Variants in TNR observed in about 807,000 individuals in gnomAD.
TNR encodes the protein tenascin R.
TNR carries 45 observed loss-of-function variants against 150.4 expected under a neutral mutation model. The observed-to-expected ratio is 0.30, with a 90% CI of 0.24 to 0.38. TNR has a LOEUF of 0.38. TNR is among the 10% of genes least tolerant of loss of function. The probability of loss-of-function intolerance (pLI) is 1.00; values close to 1 mark genes in which losing one functional copy is unlikely to be tolerated. For synonymous variants in TNR, 687 were observed against 678.4 expected, an observed-to-expected ratio of 1.01 and a Z score of -0.20; for missense variants, 1,544 against 1,759.1, an observed-to-expected ratio of 0.88 and a Z score of 2.19.
At chr1:175,731,345 T>C (rs1667636000) in intron 1 of TNR, among the ~76,000 whole-genome samples, 1 of 152,194 alleles carries the variant, frequency 6.6e-6, no homozygotes. Flanking sequence ...CTATAGTAAT[T>C]CTACCATCTA....
At chr1:175,737,564 TC>T (rs1418779971) in intron 1 of TNR, among the ~76,000 whole-genome samples, 1 of 152,196 alleles carries the variant, frequency 6.6e-6, no homozygotes, top group Non-Finnish European at 1.5e-5. Context: ...CAAGCTTTTG[TC>T]AGATGTTAGC....
At chr1:175,545,282 C>G (rs1190378532) in intron 1 of TNR, among the ~76,000 whole-genome samples, 1 of 152,096 alleles carries the variant, frequency 6.6e-6, no homozygotes, top group Admixed American at 6.6e-5. Context: ...TTAGTGGGAA[C>G]AGTTTTAGTG....
At chr1:175,394,008 G>C in intron 5 of TNR, 113 bp from the exon 6 acceptor site, 2 of 818,642 alleles carry the variant, frequency 2.4e-6, no homozygotes, top group Non-Finnish European at 2.0e-6. Context: ...GGTGGTGTCT[G>C]GTGGACAATC....
intron 1 of TNR, among the ~76,000 whole-genome samples, chr1:175,585,960 G>A (rs1374228980): frequency 6.6e-6 from 1 of 152,218 alleles, no homozygotes; most frequent in African/African-American, 2.4e-5. Context: ...ACTGAGGTGT[G>A]CCAAAACTTG....
intron 1 of TNR, among the ~76,000 whole-genome samples, chr1:175,534,719 C>T (rs1439078690): frequency 1.3e-5 from 2 of 152,174 alleles, no homozygotes; most frequent in African/African-American, 4.8e-5. Context: ...TTCTGGGCTG[C>T]TAAGGCAAAG....
At chr1:175,614,888 G>C (rs1197587466) in intron 1 of TNR, among the ~76,000 whole-genome samples, 1 of 152,200 alleles carries the variant, frequency 6.6e-6, no homozygotes, top group Non-Finnish European at 1.5e-5. Flanking sequence ...CAGGGCATTT[G>C]GGTGTCATAA....
intron 2 of TNR, among the ~76,000 whole-genome samples, chr1:175,460,314 A>T (rs1029144046): frequency 6.6e-6 from 1 of 152,056 alleles, no homozygotes; most frequent in Non-Finnish European, 1.5e-5. Flanking sequence ...CTTCTTTAAC[A>T]TCAAAGCAAG....
At chr1:175,324,708 T>G (rs1649270647) in intron 21 of TNR, among the ~76,000 whole-genome samples, 189 bp from the exon 22 acceptor site, 1 of 152,174 alleles carries the variant, frequency 6.6e-6, no homozygotes, top group Non-Finnish European at 1.5e-5. Flanking sequence ...ACTTCCATGC[T>G]ACTCTCTCCA....
At chr1:175,381,926 C>T (rs911664297) in intron 8 of TNR, among the ~76,000 whole-genome samples, 8 of 152,186 alleles carry the variant, frequency 5.3e-5, no homozygotes, top group African/African-American at 1.4e-4. Context: ...GCTCTTGAAA[C>T]TCATCAAGCT....
intron 2 of TNR, among the ~76,000 whole-genome samples, chr1:175,520,647 C>T (rs1185634012): frequency 1.3e-5 from 2 of 152,100 alleles, no homozygotes; most frequent in African/African-American, 4.8e-5. Flanking sequence ...TTGATTCTGG[C>T]TTTGTTGCAT....
chr1:175,363,628 A>G (rs1651697586), intron 13 of TNR, 80 bp downstream of exon 13: 1 of 1,522,432 alleles, frequency 6.6e-7, no homozygotes. Context: ...GCAGGAGTGG[A>G]TGTTCTGCGG....
chr1:175,537,438 C>A (rs1209543373), intron 1 of TNR, among the ~76,000 whole-genome samples: 1 of 152,146 alleles, frequency 6.6e-6, no homozygotes, highest in Non-Finnish European at 1.5e-5. Flanking sequence ...TTGTGACCTT[C>A]AGGAGCAGAG....
chr1:175,389,087 T>A (rs1653058196), intron 7 of TNR, among the ~76,000 whole-genome samples: 1 of 152,218 alleles, frequency 6.6e-6, no homozygotes, highest in Non-Finnish European at 1.5e-5. Context: ...ACATTTCATA[T>A]CAGAAGAGGA....
intron 3 of TNR, among the ~76,000 whole-genome samples, chr1:175,405,369 G>A (rs1222061354): frequency 1.3e-5 from 2 of 152,202 alleles, no homozygotes; most frequent in East Asian, 3.8e-4. Flanking sequence ...ATATGGAACT[G>A]CTTAGGTCAT....
At chr1:175,688,997 C>T (rs557031511) in intron 1 of TNR, among the ~76,000 whole-genome samples, 6 of 152,348 alleles carry the variant, frequency 3.9e-5, no homozygotes, top group East Asian at 1.9e-4. Flanking sequence ...GAATAAAACA[C>T]GGCCACTAAC....
chr1:175,690,358 A>T (rs1238900091), intron 1 of TNR, among the ~76,000 whole-genome samples: 1 of 152,250 alleles, frequency 6.6e-6, no homozygotes, highest in Non-Finnish European at 1.5e-5. Context: ...ACAAGTGTGC[A>T]AAGCATTAAA....
chr1:175,602,727 T>C (rs146900726), intron 1 of TNR, among the ~76,000 whole-genome samples: 1,973 of 152,248 alleles, frequency 0.013, 19 homozygotes, highest in Middle Eastern at 0.02. Flanking sequence ...TCTCTATCAG[T>C]TATTAGAAGG....
intron 2 of TNR, among the ~76,000 whole-genome samples, chr1:175,424,975 C>G (rs778551576): frequency 6.6e-5 from 10 of 152,038 alleles, no homozygotes; most frequent in Non-Finnish European, 8.8e-5. Context: ...TGTCAGCAGA[C>G]CTGGGGGGCC....
At chr1:175,474,067 C>T (rs564630918) in intron 2 of TNR, among the ~76,000 whole-genome samples, 4 of 152,096 alleles carry the variant, frequency 2.6e-5, no homozygotes, top group Non-Finnish European at 4.4e-5. Context: ...GGATATATTT[C>T]GATTTAATAC....
Sources: gnomAD v4.1 joint callset for allele counts (sites outside exome capture counted in the v4.1 genomes callset) on GRCh38, gnomAD v4.1.1 for gene constraint, MANE v1.5 for transcripts, NCBI Gene and HGNC (gene_info 2026-07-23, HGNC 2026-07-21) for gene names.